CCL17: variants seen among roughly 807,000 people sequenced by gnomAD.
The protein encoded by CCL17 is C-C motif chemokine 17.
CCL17 carries 8 observed loss-of-function variants against 7.4 expected under a neutral mutation model. The observed-to-expected ratio is 1.09, with a 90% CI of 0.64 to 1.96. CCL17 has a LOEUF of 1.96. CCL17 is among the 30% of genes most tolerant of loss of function. CCL17 has a pLI of 0.00. For missense variants in CCL17, 102 were observed against 113.0 expected (o/e 0.90, Z 0.44); for synonymous variants, 40 against 46.1 (o/e 0.87, Z 0.54).
upstream of CCL17, among the ~76,000 whole-genome samples, chr16:57,403,514 TA>T (rs1314547173): frequency 0.012 from 344 of 28,816 alleles, 38 homozygotes; most frequent in African/African-American, 0.093. Context: ...ATATATATTA[TA>T]TTATATATAT....
intron 1 of CCL17, among the ~76,000 whole-genome samples, chr16:57,406,337 C>G (rs1202989131): frequency 6.6e-6 from 1 of 152,118 alleles, no homozygotes; most frequent in African/African-American, 2.4e-5. Context: ...CACTATGTTG[C>G]CCAGGCTGGT....
rs764335922 is a variant in CCL17, at chr16:57,415,037, C to T, written c.71-44C>T. ...CCCCCAGAGGTCCCCGCAACACACA[C>T]GCAGACACTCACAGACACCCCTGCC... On this transcript the variant is annotated intron_variant, in intron 2 of 3. Transcript: ENST00000219244. The surrounding 1 kb of genome is among the most constrained non-coding windows in gnomAD (Gnocchi z 4.5). 4 of 1,313,568 alleles carry T rather than the reference C, an allele frequency of 3.0e-6. No individual in the cohort carries two copies. The highest frequency in any genetic ancestry group is 4.4e-6 in the Non-Finnish European group (4 of 906,532). 81.4% of individuals were successfully genotyped at this position (1,313,568 alleles called of 1,614,324 possible).
In CCL17 at chr16:57,415,690, C is replaced by A. The variant is rs1567565043; in HGVS notation, c.189-75C>A. On this transcript the variant is annotated intron_variant, in intron 3 of 3. Transcript: ENST00000219244. The surrounding 1 kb of genome is among the most constrained non-coding windows in gnomAD (Gnocchi z 4.5). Reference sequence around the variant, plus strand: ...TGGAGCCTTGGAATCCTGGTCAGCACAGGGCGGGCCGTCCCAGGGACTCTG... The same window carrying A: ...TGGAGCCTTGGAATCCTGGTCAGCAAAGGGCGGGCCGTCCCAGGGACTCTG... The A allele has an allele frequency of 1.1e-6, 1 of 926,300 alleles. No individual in the cohort carries two copies. The highest frequency in any genetic ancestry group is 1.8e-6 in the Non-Finnish European group (1 of 559,540). 57.4% of individuals were successfully genotyped at this position (926,300 alleles called of 1,614,324 possible).
chr16:57,411,746 T>G (rs570189610), intron 1 of CCL17, among the ~76,000 whole-genome samples: 2 of 152,294 alleles, frequency 1.3e-5, no homozygotes, highest in Admixed American at 1.3e-4. Flanking sequence ...GACCCAGGCC[T>G]GGTCCTGCAC....
chr16:57,412,349 C>G (rs1171638389), intron 1 of CCL17, among the ~76,000 whole-genome samples: 12 of 152,154 alleles, frequency 7.9e-5, no homozygotes, highest in African/African-American at 2.4e-4. Context: ...GAGGCTCCTC[C>G]GAAGTCGAGG....
At chr16:57,402,773 T>A (rs775959345), upstream of CCL17, among the ~76,000 whole-genome samples, 18 of 151,378 alleles carry the variant, frequency 1.2e-4, no homozygotes, top group Non-Finnish European at 2.4e-4. Context: ...ACAAGAAGGG[T>A]TTCTGCATTC....
At chr16:57,404,004 G>A (rs960576453), upstream of CCL17, among the ~76,000 whole-genome samples, 5 of 151,974 alleles carry the variant, frequency 3.3e-5, no homozygotes, top group East Asian at 5.8e-4. Flanking sequence ...AGGTATCTGG[G>A]GACAACATTC....
At chr16:57,403,187 T>C (rs188069237), upstream of CCL17, among the ~76,000 whole-genome samples, 309 of 40,284 alleles carry the variant, frequency 7.7e-3, no homozygotes, top group Non-Finnish European at 9.8e-3. Context: ...ATATATATAA[T>C]ATATATTATT....
At chr16:57,402,308 G>T (rs75809208), upstream of CCL17, among the ~76,000 whole-genome samples, 1,113 of 152,306 alleles carry the variant, frequency 7.3e-3, 16 homozygotes, top group African/African-American at 0.026. Context: ...CTTTTGCAGT[G>T]GCTGAGATTC....
At chr16:57,410,912 G>T (rs1902774345) in intron 1 of CCL17, among the ~76,000 whole-genome samples, 1 of 152,160 alleles carries the variant, frequency 6.6e-6, no homozygotes, top group South Asian at 2.1e-4. Flanking sequence ...CCACGGCGCG[G>T]GGCAAGGTAG....
At position 57,415,749 on chromosome 16, in the gene CCL17, T is replaced by C; in HGVS notation, c.189-16T>C. The stretch of plus-strand genomic sequence containing the variant: ...TCCCCCCCTGCCACTCCTGGTAACG[T>C]CCTCCTTCTGTGTAGTTTTGTAACT... On this transcript the variant is annotated splice_polypyrimidine_tract_variant and intron_variant, in intron 3 of 3. Transcript: ENST00000219244. The surrounding 1 kb of genome is among the most constrained non-coding windows in gnomAD (Gnocchi z 4.5). 6.4e-7 allele frequency: 1 copy of C among 1,567,228 alleles called. No homozygotes were observed. The highest frequency in any genetic ancestry group is 8.8e-7 in the Non-Finnish European group (1 of 1,137,202).
At chr16:57,406,123 C>A (rs949734881) in intron 1 of CCL17, among the ~76,000 whole-genome samples, 39 of 152,120 alleles carry the variant, frequency 2.6e-4, no homozygotes, top group African/African-American at 9.2e-4. Context: ...TTGCTTGAGG[C>A]AAAAACAAAG....
chr16:57,400,873 G>A (rs145276493), upstream of CCL17, among the ~76,000 whole-genome samples: 111 of 152,060 alleles, frequency 7.3e-4, no homozygotes, highest in African/African-American at 2.7e-3. Context: ...GGAGGCTGAG[G>A]AAGGGGAATC....
chr16:57,412,692 A>G (rs1187834264), intron 1 of CCL17, among the ~76,000 whole-genome samples: 3 of 152,168 alleles, frequency 2.0e-5, no homozygotes, highest in Non-Finnish European at 4.4e-5. Flanking sequence ...CCATGTCACA[A>G]TCAGAGTCCA....
Position 57,415,962 on chromosome 16 carries a change from G to C in CCL17, c.*101G>C, listed in dbSNP as rs1425642969. 6.9e-6 allele frequency: 5 copies of C among 729,012 alleles called. No individual in the cohort carries two copies. The highest frequency in any genetic ancestry group is 1.2e-5 in the Non-Finnish European group (5 of 411,102). 45.2% of individuals were successfully genotyped at this position (729,012 alleles called of 1,614,324 possible). A position where few individuals can be genotyped will look rare whatever the true frequency, so the allele number is the denominator to read the frequency against. ...CCCTGAGCGCCTGGGTCCAGGGGAG[G>C]CCTTCCAGGGACGAAGAAGAGCCAC... On this transcript the variant is annotated 3_prime_UTR_variant, in exon 4 of 4. Coordinates refer to ENST00000219244, the MANE Select transcript of CCL17 (RefSeq NM_002987.3). The surrounding 1 kb of genome is among the most constrained non-coding windows in gnomAD (Gnocchi z 4.5).
chr16:57,411,506 G>A (rs556776352), intron 1 of CCL17, among the ~76,000 whole-genome samples: 1 of 152,358 alleles, frequency 6.6e-6, no homozygotes, highest in South Asian at 2.1e-4. Flanking sequence ...ACCCACCGGG[G>A]AGTTTCCCCA....
intron 1 of CCL17, among the ~76,000 whole-genome samples, chr16:57,409,873 G>A (rs578102548): frequency 9.8e-5 from 15 of 152,310 alleles, no homozygotes; most frequent in South Asian, 4.1e-4. Flanking sequence ...AGCTGGCCCC[G>A]ATCCCTGATT....
At position 57,413,960 on chromosome 16, in the gene CCL17, G is replaced by T. The variant is rs778447735; in HGVS notation, c.28G>T (p.Val10Phe). 3.7e-6 allele frequency: 6 copies of T among 1,610,692 alleles called. No individual in the cohort carries two copies. The highest frequency in any genetic ancestry group is 1.7e-5 in the Admixed American group (1 of 59,620). Residue 10 changes from valine (V) to phenylalanine (F), a missense_variant, in exon 2 of 4, where the codon GTC becomes TTC. Coordinates refer to ENST00000219244, the MANE Select transcript of CCL17 (RefSeq NM_002987.3). ...GGCCCCACTGAAGATGCTGGCCCTG[G>T]TCACCCTCCTCCTGGGGGCTTCTCT... MAPLKMLAL[V>F]TLLLGASLQH...
chr16:57,411,038 G>A (rs74431486), intron 1 of CCL17, among the ~76,000 whole-genome samples: 46 of 152,140 alleles, frequency 3.0e-4, no homozygotes, highest in Non-Finnish European at 5.7e-4. Context: ...CTGCACCTTT[G>A]CCTAAACAGT....
Sources: allele counts gnomAD v4.1 joint callset (sites outside exome capture counted in the v4.1 genomes callset), GRCh38; gene constraint gnomAD v4.1.1; non-coding constraint Gnocchi (gnomAD v3.1); transcripts MANE v1.5; gene names NCBI Gene and HGNC (gene_info 2026-07-23, HGNC 2026-07-21).